PAPPA2: variants seen among roughly 807,000 people sequenced by gnomAD.
PAPPA2 encodes pappalysin-2.
In PAPPA2, 86 loss-of-function variants were observed where a neutral mutation model predicts 176.4. The ratio of observed to expected loss-of-function variants is 0.49; its 90% CI spans 0.41 to 0.58. The LOEUF is 0.58. Ranked by LOEUF, PAPPA2 falls within the 20% of genes least tolerant of loss-of-function variation. PAPPA2 has a pLI of 0.00. For missense variants in PAPPA2, 2,073 were observed against 2,256.9 expected, an observed-to-expected ratio of 0.92 and a Z score of 1.65; for synonymous variants, 809 against 852.2, an observed-to-expected ratio of 0.95 and a Z score of 0.88.
chr1:176,527,366 G>A (rs964343297), intron 1 of PAPPA2, among the ~76,000 whole-genome samples: 4 of 152,146 alleles, frequency 2.6e-5, no homozygotes, highest in African/African-American at 9.7e-5. Flanking sequence ...CTGGAGATGA[G>A]GAAATTAAGG....
intron 1 of PAPPA2, among the ~76,000 whole-genome samples, chr1:176,463,875 G>A (rs1322360397): frequency 6.6e-6 from 1 of 152,164 alleles, no homozygotes; most frequent in Non-Finnish European, 1.5e-5. Flanking sequence ...TAAAGGCAGA[G>A]GGAGTGCTGA....
At chr1:176,759,776 G>A (rs1432365467) in intron 14 of PAPPA2, among the ~76,000 whole-genome samples, 1 of 152,164 alleles carries the variant, frequency 6.6e-6, no homozygotes, top group Admixed American at 6.5e-5. Flanking sequence ...AAAGTTTATT[G>A]ATGGGGCTGG....
At chr1:176,777,836 C>G (rs1222194174) in intron 17 of PAPPA2, among the ~76,000 whole-genome samples, 1 of 152,040 alleles carries the variant, frequency 6.6e-6, no homozygotes, top group African/African-American at 2.4e-5. Context: ...TCACCATCAT[C>G]ATTATCATTA....
Position 176,527,477 on chromosome 1 carries a change from G to A in PAPPA2, c.-916-27930G>A, listed in dbSNP as rs1198711732. Among the ~76,000 whole-genome samples, 2 of 152,194 alleles carry A rather than the reference G, an allele frequency of 1.3e-5. 1 individual carries two copies. Reference sequence around the variant, plus strand: ...GATAGATAGAATGTAAGTTCCATGAGGAGAGAGCTATTGTCTGTCTTTTTC... The same window carrying A: ...GATAGATAGAATGTAAGTTCCATGAAGAGAGAGCTATTGTCTGTCTTTTTC... On this transcript the variant is annotated intron_variant, in intron 1 of 22. Transcript: ENST00000367662.
At chr1:176,816,576 C>G (rs1430150448) in intron 21 of PAPPA2, among the ~76,000 whole-genome samples, 1 of 150,866 alleles carries the variant, frequency 6.6e-6, no homozygotes, top group Non-Finnish European at 1.5e-5. Context: ...ACTTATTTAT[C>G]AGCTGCCATC....
chr1:176,644,602 A>G (rs1305114209), intron 3 of PAPPA2, among the ~76,000 whole-genome samples: 2 of 151,834 alleles, frequency 1.3e-5, no homozygotes, highest in Non-Finnish European at 2.9e-5. Flanking sequence ...GGCAATATGC[A>G]CCATAGATAG....
intron 1 of PAPPA2, among the ~76,000 whole-genome samples, chr1:176,491,272 A>C (rs1175489451): frequency 6.6e-6 from 1 of 152,218 alleles, no homozygotes; most frequent in East Asian, 1.9e-4. Context: ...ATATATTCTG[A>C]TGTATGTCAT....
intron 21 of PAPPA2, among the ~76,000 whole-genome samples, chr1:176,822,509 A>T (rs973593976): frequency 1.3e-5 from 2 of 152,212 alleles, no homozygotes; most frequent in African/African-American, 4.8e-5. Flanking sequence ...AGTAAAATTC[A>T]TAAGGCAAGA....
intron 17 of PAPPA2, among the ~76,000 whole-genome samples, chr1:176,781,961 C>A (rs1664740795): frequency 1.3e-5 from 2 of 152,016 alleles, no homozygotes; most frequent in Non-Finnish European, 2.9e-5. Flanking sequence ...CTAATTCATG[C>A]AATGGAAATC....
At chr1:176,841,641 A>T (rs759912343) in intron 22 of PAPPA2, among the ~76,000 whole-genome samples, 83 of 152,248 alleles carry the variant, frequency 5.5e-4, no homozygotes, top group Non-Finnish European at 1.0e-3. Flanking sequence ...ATCTGTTTGT[A>T]GCAGTGCAAG....
At chr1:176,796,117 C>T (rs1665413906) in intron 20 of PAPPA2, among the ~76,000 whole-genome samples, 1 of 152,186 alleles carries the variant, frequency 6.6e-6, no homozygotes, top group African/African-American at 2.4e-5. Context: ...TGTGTAACAG[C>T]TCCAGTGACA....
chr1:176,791,121 A>G (rs1665155232), intron 18 of PAPPA2, among the ~76,000 whole-genome samples: 2 of 150,740 alleles, frequency 1.3e-5, no homozygotes, highest in South Asian at 4.2e-4. Flanking sequence ...AATGCATTTC[A>G]TTAGTGGAAA....
At chr1:176,654,650 A>G (rs560167569) in intron 3 of PAPPA2, among the ~76,000 whole-genome samples, 60 of 151,414 alleles carry the variant, frequency 4.0e-4, no homozygotes, top group Non-Finnish European at 8.1e-4. Flanking sequence ...CACTGACTCT[A>G]TAGATTGCTT....
chr1:176,711,437 C>T (rs1052621157), intron 11 of PAPPA2, among the ~76,000 whole-genome samples: 6 of 152,134 alleles, frequency 3.9e-5, no homozygotes, highest in Non-Finnish European at 8.8e-5. Flanking sequence ...CTTTGCTTAG[C>T]TGAATCCTCA....
At chr1:176,529,024 A>G (rs935059949) in intron 1 of PAPPA2, among the ~76,000 whole-genome samples, 5 of 152,214 alleles carry the variant, frequency 3.3e-5, no homozygotes, top group Non-Finnish European at 5.9e-5. Context: ...GTGGGCAGGA[A>G]GCAGACCATG....
chr1:176,574,075 TTAGTGTATTACTTATTTTTACCATAG>T (rs1240133383), intron 2 of PAPPA2, among the ~76,000 whole-genome samples: 1 of 152,162 alleles, frequency 6.6e-6, no homozygotes, highest in Non-Finnish European at 1.5e-5. Flanking sequence ...ATTCAATCCA[TTAGTGTATTACTTATTTTTACCATAG>T]GCAAGATGTT....
intron 2 of PAPPA2, among the ~76,000 whole-genome samples, chr1:176,584,784 G>T (rs1465454923): frequency 6.6e-6 from 1 of 151,980 alleles, no homozygotes; most frequent in Non-Finnish European, 1.5e-5. Context: ...ACCCAGGTTG[G>T]AATGCAGGGG....
At chr1:176,793,780 C>A in intron 20 of PAPPA2, 111 bp downstream of exon 20, 2 of 711,832 alleles carry the variant, frequency 2.8e-6, no homozygotes, top group Non-Finnish European at 4.6e-6. Context: ...TCAAAGCAAA[C>A]AACCACATGG....
At chr1:176,736,630 C>A (rs2102869604) in intron 12 of PAPPA2, among the ~76,000 whole-genome samples, 1 of 148,552 alleles carries the variant, frequency 6.7e-6, no homozygotes, top group Admixed American at 6.8e-5. Flanking sequence ...GTGGAAAGAG[C>A]AACTTAAAAA....
Sources: allele counts gnomAD v4.1 joint callset (sites outside exome capture counted in the v4.1 genomes callset), GRCh38; gene constraint gnomAD v4.1.1; transcripts MANE v1.5; gene names NCBI Gene and HGNC (gene_info 2026-07-23, HGNC 2026-07-21).